Variants in EPN2 observed in about 807,000 individuals in gnomAD.
EPN2 encodes the protein epsin 2, also known as epsin-2.
EPN2 carries 34 observed loss-of-function variants against 61.7 expected under a neutral mutation model. That is an observed-to-expected ratio of 0.55 (90% CI 0.42 to 0.73). The LOEUF (loss-of-function observed/expected upper bound fraction) is 0.73, where lower values mean the gene tolerates loss of function less well. EPN2 is among the 30% of genes least tolerant of loss of function. The pLI is 0.00. For synonymous variants in EPN2, 349 were observed against 353.6 expected, an observed-to-expected ratio of 0.99 and a Z score of 0.15; for missense variants, 714 against 839.2, an observed-to-expected ratio of 0.85 and a Z score of 1.84.
chr17:19,253,733 T>A (rs2045041695), intron 1 of EPN2, among the ~76,000 whole-genome samples: 1 of 152,194 alleles, frequency 6.6e-6, no homozygotes, highest in African/African-American at 2.4e-5. Flanking sequence ...TGTCATTGCT[T>A]AATTTGAAAT....
rs1039248701 is a variant in EPN2 at position 19,335,298 on chromosome 17, C to G, written c.*1044C>G. ...GCCTTTTTGGCTAGATCCTGAGAGG[C>G]TATTTTTCTTACGAATATACCAACA... is the stretch of plus-strand genomic sequence containing the variant. On this transcript the variant is annotated 3_prime_UTR_variant, in exon 11 of 11. Coordinates refer to ENST00000314728, the MANE Select transcript of EPN2 (RefSeq NM_014964.5). 4 of 1,146,572 alleles carry G rather than the reference C, an allele frequency of 3.5e-6. No homozygotes were observed. Among genetic ancestry groups the G allele is most frequent in the Non-Finnish European group, 4.9e-6 (4 of 817,922 alleles). 71.0% of individuals were successfully genotyped at this position (1,146,572 alleles called of 1,614,324 possible). A position where few individuals can be genotyped will look rare whatever the true frequency, so the allele number is the denominator to read the frequency against.
intron 4 of EPN2, among the ~76,000 whole-genome samples, chr17:19,290,120 C>T (rs1489684017): frequency 6.6e-6 from 1 of 152,176 alleles, no homozygotes; most frequent in East Asian, 1.9e-4. Flanking sequence ...TGGCTGCCCT[C>T]ACATGATCCT....
At chr17:19,241,888 C>T (rs1360520280) in intron 1 of EPN2, among the ~76,000 whole-genome samples, 1 of 152,120 alleles carries the variant, frequency 6.6e-6, no homozygotes, top group Non-Finnish European at 1.5e-5. Context: ...ATTCCCAGGC[C>T]TGGGTCCCTT....
At chr17:19,260,039 TC>T (rs2045124057) in intron 1 of EPN2, among the ~76,000 whole-genome samples, 1 of 152,164 alleles carries the variant, frequency 6.6e-6, no homozygotes, top group African/African-American at 2.4e-5. Context: ...GTTTCCACAC[TC>T]CCTGTGGACT....
At chr17:19,262,458 A>G (rs1431517171) in intron 1 of EPN2, among the ~76,000 whole-genome samples, 1 of 152,246 alleles carries the variant, frequency 6.6e-6, no homozygotes, top group African/African-American at 2.4e-5. Flanking sequence ...AGCCTGGGCA[A>G]CAGGAGCGTT....
chr17:19,253,333 G>A (rs1035399839), intron 1 of EPN2, among the ~76,000 whole-genome samples: 3 of 150,230 alleles, frequency 2.0e-5, no homozygotes, highest in African/African-American at 7.4e-5. Flanking sequence ...ATATTCCATT[G>A]TATGGATATA....
At chr17:19,289,456 G>A (rs2045438850) in intron 4 of EPN2, among the ~76,000 whole-genome samples, 1 of 152,106 alleles carries the variant, frequency 6.6e-6, no homozygotes, top group South Asian at 2.1e-4. Flanking sequence ...GGGGAGCTGA[G>A]GATGACTCTG....
intron 1 of EPN2, among the ~76,000 whole-genome samples, chr17:19,242,868 AT>A (rs888989550): frequency 1.3e-5 from 2 of 152,122 alleles, no homozygotes; most frequent in African/African-American, 4.8e-5. Context: ...TGCAGGCTTC[AT>A]TTTTCCTCTT....
At chr17:19,278,569 C>T (rs1444420952) in intron 1 of EPN2, among the ~76,000 whole-genome samples, 1 of 152,232 alleles carries the variant, frequency 6.6e-6, no homozygotes, top group African/African-American at 2.4e-5. Flanking sequence ...GTCCCTTCCA[C>T]AACACGTGGG....
intron 1 of EPN2, among the ~76,000 whole-genome samples, chr17:19,250,348 A>C (rs1473364223): frequency 6.6e-6 from 1 of 152,094 alleles, no homozygotes; most frequent in Non-Finnish European, 1.5e-5. Flanking sequence ...CGCCTGTATC[A>C]GCCTCCCAAA....
chr17:19,333,426 T>G lies in EPN2; in HGVS notation c.1628-530T>G, dbSNP rs905962371. On this transcript the variant is annotated intron_variant, in intron 10 of 10. Coordinates refer to ENST00000314728, the MANE Select transcript of EPN2 (RefSeq NM_014964.5). ...GTTGGTGCCAGCAGCGCACACACTT[T>G]TGCAAAGAAAAGGCTTTCTGGTATG... is the stretch of plus-strand genomic sequence containing the variant. Among the ~76,000 whole-genome samples, 14 of 152,300 alleles carry G rather than the reference T, an allele frequency of 9.2e-5. No homozygotes were observed. In the East Asian group the frequency reaches 2.5e-3, roughly 27 times the overall value.
In EPN2 at chr17:19,276,773, G is replaced by GTTTTTCTTTTTTTTT. The variant is rs370693392; in HGVS notation, c.-293-5177_-293-5176insCTTTTTTTTTTTTTT. On this transcript the variant is annotated intron_variant, in intron 1 of 10. Coordinates refer to ENST00000314728, the MANE Select transcript of EPN2 (RefSeq NM_014964.5). ...GTCAGTATGTAATTTATGAGAATAA[G>GTTTTTCTTTTTTTTT]TTTTTTTTTTTTTTTTTTGCTGTAT... Among the ~76,000 whole-genome samples, 421 of 119,264 alleles carry GTTTTTCTTTTTTTTT rather than the reference G, an allele frequency of 3.5e-3. 10 individuals carry two copies. The highest frequency in any genetic ancestry group is 0.016 in the African/African-American group (396 of 24,046). 78.2% of individuals were successfully genotyped at this position (119,264 alleles called of 152,430 possible). A position where few individuals can be genotyped will look rare whatever the true frequency, so the allele number is the denominator to read the frequency against.
intron 1 of EPN2, among the ~76,000 whole-genome samples, chr17:19,267,833 G>C (rs114717919): frequency 6.6e-6 from 1 of 152,260 alleles, no homozygotes; most frequent in South Asian, 2.1e-4. Context: ...GAGCCACCGC[G>C]TCCGGCCAAT....
intron 5 of EPN2, among the ~76,000 whole-genome samples, chr17:19,311,018 TGGGACCAG>T (rs1002581470): frequency 1.3e-5 from 2 of 152,194 alleles, no homozygotes; most frequent in African/African-American, 2.4e-5. Context: ...AAAAGGTAGA[TGGGACCAG>T]GGGCAGCACA....
At chr17:19,258,842 C>T (rs989910669) in intron 1 of EPN2, among the ~76,000 whole-genome samples, 2 of 152,238 alleles carry the variant, frequency 1.3e-5, no homozygotes, top group African/African-American at 2.4e-5. Flanking sequence ...CAACCCCAGC[C>T]TTCCCACAAG....
chr17:19,336,044 C>G lies in EPN2; in HGVS notation c.*1790C>G, dbSNP rs567778553. On this transcript the variant is annotated 3_prime_UTR_variant, in exon 11 of 11. Coordinates refer to ENST00000314728, the MANE Select transcript of EPN2 (RefSeq NM_014964.5). Reference sequence around the variant, plus strand: ...CCCTTCGCACCGGCACAGGAGAGATCTTAAATGGTCTCTGGGCTGCTGGGA... The same window carrying G: ...CCCTTCGCACCGGCACAGGAGAGATGTTAAATGGTCTCTGGGCTGCTGGGA... 3.9e-4 allele frequency: 60 copies of G among 152,440 alleles called. No individual in the cohort carries two copies. The highest frequency in any genetic ancestry group is 1.3e-3 in the African/African-American group (55 of 41,566). The allele number at this position is 152,440 out of a possible 1,614,324, so 9.4% of individuals were successfully genotyped here. A position where few individuals can be genotyped will look rare whatever the true frequency, so the allele number is the denominator to read the frequency against.
Position 19,336,613 on chromosome 17 carries a change from C to G in EPN2, c.*2359C>G, listed in dbSNP as rs570209285. On this transcript the variant is annotated 3_prime_UTR_variant, in exon 11 of 11. Transcript: ENST00000314728. ...ATGGGCACCGTGGTGGAGGAAGTCACCCAGCTGTTTCTCAGTCCCAGAGGC... is the reference window on the plus strand; with the variant it reads ...ATGGGCACCGTGGTGGAGGAAGTCAGCCAGCTGTTTCTCAGTCCCAGAGGC... 6.6e-6 allele frequency: 1 copy of G among 152,428 alleles called. No individual in the cohort carries two copies. Among genetic ancestry groups the G allele is most frequent in the Admixed American group, 6.5e-5 (1 of 15,280 alleles). 9.4% of individuals were successfully genotyped at this position (152,428 alleles called of 1,614,324 possible).
chr17:19,307,076 C>A (rs891774931), intron 4 of EPN2, among the ~76,000 whole-genome samples: 1 of 152,108 alleles, frequency 6.6e-6, no homozygotes. Context: ...AAAGCCCAAA[C>A]TTGAGAGTTC....
rs759816484 is a variant in EPN2 at position 19,285,737 on chromosome 17, G to T, written c.713G>T (p.Arg238Leu). ...PFLPHLGLAS[R>L]PNGDWSQPCL... The stretch of plus-strand genomic sequence containing the variant: ...CTGCCGCACCTGGGGCTGGCCTCCC[G>T]CCCAAATGGCGACTGGTCCCAGCCC... The change falls in exon 4 of 11, where the codon CGC (arginine) becomes CTC (leucine). Residue 238 changes from arginine (R) to leucine (L), a missense_variant. Arg to Leu is a moderately radical substitution (Grantham distance 102). Transcript: ENST00000314728. This position sits in a 1 kb window ranked among gnomAD's most constrained non-coding sequence, Gnocchi z 4.5. 5.0e-6 allele frequency: 8 copies of T among 1,608,102 alleles called. No homozygotes were observed. Among genetic ancestry groups the T allele is most frequent in the Non-Finnish European group, 4.2e-6 (5 of 1,178,414 alleles).
Sources: allele counts gnomAD v4.1 joint callset (sites outside exome capture counted in the v4.1 genomes callset), GRCh38; gene constraint gnomAD v4.1.1; non-coding constraint Gnocchi (gnomAD v3.1); transcripts MANE v1.5; gene names NCBI Gene and HGNC (gene_info 2026-07-23, HGNC 2026-07-21).